Variants in STK32B observed in about 807,000 individuals in gnomAD.
STK32B encodes the protein serine/threonine-protein kinase 32B.
In STK32B, 43 loss-of-function variants were observed where a neutral mutation model predicts 52.6. The observed-to-expected ratio is 0.82, with a 90% CI of 0.64 to 1.05. The LOEUF is 1.05. Among genes scored for constraint, STK32B ranks in the 50% least tolerant of loss-of-function variants. The pLI is 0.00. For synonymous variants in STK32B, 238 were observed against 204.3 expected, an observed-to-expected ratio of 1.17 and a Z score of -1.41; for missense variants, 621 against 534.6, an observed-to-expected ratio of 1.16 and a Z score of -1.59.
At chr4:5,073,775 T>C (rs908408252) in intron 1 of STK32B, among the ~76,000 whole-genome samples, 2 of 152,062 alleles carry the variant, frequency 1.3e-5, no homozygotes. Flanking sequence ...TTTTTATTTA[T>C]TTATTTATTT....
At chr4:5,371,566 G>A (rs556040426) in intron 4 of STK32B, among the ~76,000 whole-genome samples, 1 of 152,282 alleles carries the variant, frequency 6.6e-6, no homozygotes, top group Non-Finnish European at 1.5e-5. Context: ...TTGTTGTAAA[G>A]ACAACACCAG....
intron 3 of STK32B, among the ~76,000 whole-genome samples, chr4:5,267,097 A>G (rs898365678): frequency 3.4e-5 from 5 of 146,910 alleles, no homozygotes; most frequent in Admixed American, 2.8e-4. Flanking sequence ...CAATGCTTGG[A>G]TGGAGGACAT....
At chr4:5,115,562 G>C (rs1201212682) in intron 1 of STK32B, among the ~76,000 whole-genome samples, 2 of 151,916 alleles carry the variant, frequency 1.3e-5, no homozygotes, top group South Asian at 4.2e-4. Flanking sequence ...AGCCAGATTT[G>C]AGCTTCCTTG....
intron 1 of STK32B, among the ~76,000 whole-genome samples, chr4:5,116,490 T>C (rs1273447666): frequency 6.6e-6 from 1 of 152,168 alleles, no homozygotes; most frequent in African/African-American, 2.4e-5. Context: ...CATATACTTA[T>C]TTTGGGGGGA....
At chr4:5,236,103 T>C (rs530657370) in intron 3 of STK32B, among the ~76,000 whole-genome samples, 117 of 152,254 alleles carry the variant, frequency 7.7e-4, no homozygotes, top group Admixed American at 2.2e-3. Context: ...TTATGGTGCA[T>C]TGGTGGCAGA....
At chr4:5,287,038 C>T (rs911780585) in intron 3 of STK32B, among the ~76,000 whole-genome samples, 6 of 152,044 alleles carry the variant, frequency 3.9e-5, no homozygotes, top group African/African-American at 7.2e-5. Flanking sequence ...CCTCGTGTTC[C>T]GCCCACCTCG....
At chr4:5,335,689 C>G (rs926348499) in intron 4 of STK32B, among the ~76,000 whole-genome samples, 1 of 151,908 alleles carries the variant, frequency 6.6e-6, no homozygotes, top group African/African-American at 2.4e-5. Flanking sequence ...TCTTTGTTCT[C>G]GTTGGTTTCA....
intron 3 of STK32B, among the ~76,000 whole-genome samples, chr4:5,299,005 C>G (rs753179745): frequency 6.6e-6 from 1 of 152,008 alleles, no homozygotes; most frequent in South Asian, 2.1e-4. Context: ...ATAGCACTGT[C>G]GCTCACGGCA....
chr4:5,177,628 T>C (rs1720017935), intron 3 of STK32B, among the ~76,000 whole-genome samples: 1 of 152,202 alleles, frequency 6.6e-6, no homozygotes, highest in Admixed American at 6.5e-5. Context: ...CCCTTCCACC[T>C]ATGAGCCTGT....
At chr4:5,176,587 G>C (rs1719921638) in intron 3 of STK32B, among the ~76,000 whole-genome samples, 1 of 151,976 alleles carries the variant, frequency 6.6e-6, no homozygotes, top group South Asian at 2.1e-4. Context: ...GGGATTACAA[G>C]CGCCTGCCAC....
chr4:5,404,119 C>A (rs1395467220), intron 5 of STK32B, among the ~76,000 whole-genome samples: 1 of 151,912 alleles, frequency 6.6e-6, no homozygotes, highest in African/African-American at 2.4e-5. Context: ...AGCAAATGGC[C>A]CCTGTATTTT....
At chr4:5,158,553 A>G (rs1718053091) in intron 2 of STK32B, among the ~76,000 whole-genome samples, 1 of 152,166 alleles carries the variant, frequency 6.6e-6, no homozygotes, top group Admixed American at 6.5e-5. Flanking sequence ...ACAGCTCCCC[A>G]GTGCTCTCAG....
chr4:5,411,021 T>TTAG (rs1711618649), intron 5 of STK32B, among the ~76,000 whole-genome samples: 1 of 151,034 alleles, frequency 6.6e-6, no homozygotes, highest in South Asian at 2.1e-4. Flanking sequence ...TCCAGTCACC[T>TTAG]CCTAAAGGCC....
chr4:5,414,340 A>G (rs2109067720), intron 5 of STK32B, among the ~76,000 whole-genome samples: 1 of 132,146 alleles, frequency 7.6e-6, no homozygotes, highest in South Asian at 2.7e-4. Flanking sequence ...AATACTCCAT[A>G]CAGGTTTGGA....
chr4:5,453,396 G>C lies in STK32B; in HGVS notation c.667-3411G>C, dbSNP rs1407465671. On this transcript the variant is annotated intron_variant, in intron 7 of 11. Coordinates refer to ENST00000282908, the MANE Select transcript of STK32B (RefSeq NM_018401.3). This position sits in a 1 kb window ranked among gnomAD's most constrained non-coding sequence, Gnocchi z 4.0. ...TTGGGTGCTTGGATTCTGGGTCTCT[G>C]GTGGCAATGCAGAAAGACCAGGGGA... is the stretch of plus-strand genomic sequence containing the variant. 6.6e-6 allele frequency among the ~76,000 whole-genome samples: 1 copy of C among 152,130 alleles called. No homozygotes were observed. The highest frequency in any genetic ancestry group is 6.5e-5 in the Admixed American group (1 of 15,278).
At chr4:5,104,423 A>T (rs1325568351) in intron 1 of STK32B, among the ~76,000 whole-genome samples, 1 of 152,202 alleles carries the variant, frequency 6.6e-6, no homozygotes, top group Non-Finnish European at 1.5e-5. Context: ...TGTCTTTATT[A>T]GCAGCATAAG....
chr4:5,431,953 T>C (rs1713621574), intron 6 of STK32B, among the ~76,000 whole-genome samples: 1 of 152,202 alleles, frequency 6.6e-6, no homozygotes, highest in Non-Finnish European at 1.5e-5. Context: ...ATGCAATGAA[T>C]TATGACAGAG....
intron 9 of STK32B, among the ~76,000 whole-genome samples, chr4:5,463,495 TAGAC>T (rs1168291325): frequency 6.6e-6 from 1 of 151,816 alleles, no homozygotes; most frequent in East Asian, 1.9e-4. Flanking sequence ...CACTCACACA[TAGAC>T]ACACATGCAC....
In STK32B at chr4:5,210,227, C is replaced by T. The variant is rs1191457885; in HGVS notation, c.260+41777C>T. On this transcript the variant is annotated intron_variant, in intron 3 of 11. Coordinates refer to ENST00000282908, the MANE Select transcript of STK32B (RefSeq NM_018401.3). The stretch of plus-strand genomic sequence containing the variant: ...CTCTTCCCCTTGTCTTTCTCCTCCT[C>T]CTCCTCTTTCTTCTTCTTCTTCTCC... 2.0e-5 allele frequency among the ~76,000 whole-genome samples: 3 copies of T among 152,040 alleles called. No individual in the cohort carries two copies. The South Asian group carries it at 6.2e-4, about 32-fold the overall frequency.
Sources: allele counts gnomAD v4.1 joint callset (sites outside exome capture counted in the v4.1 genomes callset), GRCh38; gene constraint gnomAD v4.1.1; non-coding constraint Gnocchi (gnomAD v3.1); transcripts MANE v1.5; gene names NCBI Gene and HGNC (gene_info 2026-07-23, HGNC 2026-07-21).